Variants in MARCHF1 observed in about 807,000 individuals in gnomAD.
MARCHF1 encodes membrane associated ring-CH-type finger 1.
Under a neutral mutation model 54.2 loss-of-function variants are expected in MARCHF1, and 40 were observed. That is an observed-to-expected ratio of 0.74 (90% CI 0.57 to 0.96). MARCHF1 has a LOEUF of 0.96. Among genes scored for constraint, MARCHF1 ranks in the 40% least tolerant of loss-of-function variants. The pLI is 0.00. For synonymous variants in MARCHF1, 236 were observed against 236.3 expected, an observed-to-expected ratio of 1.00 and a Z score of 0.01; for missense variants, 586 against 656.5, an observed-to-expected ratio of 0.89 and a Z score of 1.17.
At chr4:164,052,414 C>T (rs778613411) in intron 2 of MARCHF1, among the ~76,000 whole-genome samples, 10 of 152,002 alleles carry the variant, frequency 6.6e-5, no homozygotes, top group Non-Finnish European at 1.2e-4. Flanking sequence ...TGCCTGTAAT[C>T]CCACCTACTA....
At chr4:163,543,495 T>C (rs2110909553) in intron 9 of MARCHF1, among the ~76,000 whole-genome samples, 1 of 151,948 alleles carries the variant, frequency 6.6e-6, no homozygotes. Flanking sequence ...GCTGAGACTT[T>C]CAAACAATCA....
intron 2 of MARCHF1, among the ~76,000 whole-genome samples, chr4:164,017,760 AGTC>A (rs972344506): frequency 6.6e-6 from 1 of 151,468 alleles, no homozygotes; most frequent in Non-Finnish European, 1.5e-5. Context: ...TAACAAGCAA[AGTC>A]TTAGTACCCT....
chr4:163,806,635 A>G (rs1748231781), intron 4 of MARCHF1, among the ~76,000 whole-genome samples: 1 of 152,204 alleles, frequency 6.6e-6, no homozygotes. Context: ...CAAAGCTGTG[A>G]AAATGTGAAT....
rs1733204892 is a variant in MARCHF1, at chr4:164,254,267, G to T, written c.-323+129603C>A. On this transcript the variant is annotated intron_variant, in intron 1 of 9. Coordinates refer to ENST00000514618, the MANE Select transcript of MARCHF1 (RefSeq NM_001394959.1). Reference sequence around the variant, plus strand: ...GGATTTCTCTATGCTGGCCAGGTTGGTCTCTGTATTCGTCAGGTTTCTCTT... The same window carrying T: ...GGATTTCTCTATGCTGGCCAGGTTGTTCTCTGTATTCGTCAGGTTTCTCTT... 2.0e-5 allele frequency among the ~76,000 whole-genome samples: 3 copies of T among 151,098 alleles called. No individual in the cohort carries two copies. In the South Asian group the frequency reaches 6.2e-4, roughly 31 times the overall value.
At chr4:163,733,209 A>ATATATACACATGTG (rs1554008853) in intron 4 of MARCHF1, among the ~76,000 whole-genome samples, 1,672 of 35,742 alleles carry the variant, frequency 0.047, 282 homozygotes, top group East Asian at 0.39. Flanking sequence ...ATATATATAT[A>ATATATACACATGTG]TATATATATA....
At chr4:163,852,848 C>T (rs772348685) in intron 4 of MARCHF1, among the ~76,000 whole-genome samples, 1 of 152,158 alleles carries the variant, frequency 6.6e-6, no homozygotes, top group Non-Finnish European at 1.5e-5. Flanking sequence ...ATCCTAACCC[C>T]CAAGGTGATG....
intron 5 of MARCHF1, among the ~76,000 whole-genome samples, chr4:163,626,843 C>T (rs532744542): frequency 6.6e-6 from 1 of 152,196 alleles, no homozygotes; most frequent in East Asian, 1.9e-4. Context: ...AGGGGAATTG[C>T]TTGAACCTGG....
chr4:163,962,189 T>C (rs17578218), intron 3 of MARCHF1, among the ~76,000 whole-genome samples: 9,341 of 152,030 alleles, frequency 0.061, 397 homozygotes, highest in Non-Finnish European at 0.094. Flanking sequence ...AGATTTTCCA[T>C]TGGAAGCAAC....
In MARCHF1 at chr4:164,118,291, G is replaced by C. The variant is rs146316349; in HGVS notation, c.-322-6629C>G. ...ATTCTATTAAAACTATTAGATTTTG[G>C]GGATTACAAAAAATCTTATGGGCAT... is the stretch of plus-strand genomic sequence containing the variant. On this transcript the variant is annotated intron_variant, in intron 1 of 9. Coordinates refer to ENST00000514618, the MANE Select transcript of MARCHF1 (RefSeq NM_001394959.1). 3.8e-3 allele frequency among the ~76,000 whole-genome samples: 574 copies of C among 151,164 alleles called. 13 individuals carry two copies. The highest frequency in any genetic ancestry group is 0.013 in the African/African-American group (535 of 41,234).
intron 1 of MARCHF1, among the ~76,000 whole-genome samples, chr4:164,196,269 A>G (rs1731255206): frequency 6.6e-6 from 1 of 152,136 alleles, no homozygotes; most frequent in Non-Finnish European, 1.5e-5. Flanking sequence ...TTTTGCTAAA[A>G]TAACTATATT....
At chr4:163,856,049 T>TA (rs578224440) in intron 3 of MARCHF1, among the ~76,000 whole-genome samples, 273 of 152,302 alleles carry the variant, frequency 1.8e-3, no homozygotes, top group Middle Eastern at 3.4e-3. Flanking sequence ...TCTGTACGCT[T>TA]ACTTGCACAA....
intron 1 of MARCHF1, among the ~76,000 whole-genome samples, chr4:164,314,161 G>A (rs775345928): frequency 6.6e-6 from 1 of 152,100 alleles, no homozygotes; most frequent in African/African-American, 2.4e-5. Flanking sequence ...AGAATGGATC[G>A]TTTCTTTCAT....
At chr4:164,151,406 C>T (rs1251784499) in intron 1 of MARCHF1, among the ~76,000 whole-genome samples, 4 of 152,108 alleles carry the variant, frequency 2.6e-5, no homozygotes, top group African/African-American at 9.7e-5. Flanking sequence ...TCAGACAGAA[C>T]TTTATTCTTA....
chr4:164,185,240 A>G (rs1730936441), intron 1 of MARCHF1, among the ~76,000 whole-genome samples: 1 of 152,228 alleles, frequency 6.6e-6, no homozygotes, highest in Non-Finnish European at 1.5e-5. Context: ...TTAGCATACT[A>G]CATTAGTTTT....
At chr4:163,712,669 T>C (rs1255352424) in intron 4 of MARCHF1, among the ~76,000 whole-genome samples, 1 of 152,218 alleles carries the variant, frequency 6.6e-6, no homozygotes, top group Non-Finnish European at 1.5e-5. Flanking sequence ...GATGTATACA[T>C]TCTGGTTCTA....
At chr4:163,955,212 T>TAAAAAAAAAA (rs574633631) in intron 3 of MARCHF1, among the ~76,000 whole-genome samples, 3 of 111,828 alleles carry the variant, frequency 2.7e-5, no homozygotes, top group Admixed American at 9.3e-5. Flanking sequence ...TACTGAACAT[T>TAAAAAAAAAA]AAAAAAAAAA....
chr4:163,690,858 T>G (rs909104720), intron 5 of MARCHF1, among the ~76,000 whole-genome samples: 6 of 152,300 alleles, frequency 3.9e-5, no homozygotes, highest in African/African-American at 1.4e-4. Flanking sequence ...TTAGGCTTAT[T>G]GGACTCTTAT....
intron 5 of MARCHF1, among the ~76,000 whole-genome samples, chr4:163,644,580 A>G (rs1742681941): frequency 6.6e-6 from 1 of 151,834 alleles, no homozygotes; most frequent in African/African-American, 2.4e-5. Flanking sequence ...CAAGCCCCAG[A>G]CCCCCTCTGC....
intron 4 of MARCHF1, among the ~76,000 whole-genome samples, chr4:163,708,746 T>C (rs1021826556): frequency 6.6e-6 from 1 of 152,076 alleles, no homozygotes; most frequent in Non-Finnish European, 1.5e-5. Flanking sequence ...GCAAAAACTA[T>C]ATTAACATGA....
Sources: allele counts gnomAD v4.1 joint callset (sites outside exome capture counted in the v4.1 genomes callset), GRCh38; gene constraint gnomAD v4.1.1; transcripts MANE v1.5; gene names NCBI Gene and HGNC (gene_info 2026-07-23, HGNC 2026-07-21).